TRAIP: variants seen among roughly 807,000 people sequenced by gnomAD.
The protein encoded by TRAIP is E3 ubiquitin-protein ligase TRAIP.
A neutral mutation model predicts 65.0 loss-of-function variants in TRAIP; 37 were observed. The ratio of observed to expected loss-of-function variants is 0.57; its 90% CI spans 0.44 to 0.75. The LOEUF (loss-of-function observed/expected upper bound fraction) is 0.75, where lower values mean the gene tolerates loss of function less well. Ranked by LOEUF, TRAIP falls within the 30% of genes least tolerant of loss-of-function variation. The pLI is 0.00. For missense variants in TRAIP, 481 were observed against 579.4 expected (o/e 0.83, Z 1.74); for synonymous variants, 187 against 219.1 (o/e 0.85, Z 1.29).
At chr3:49,852,815 G>A (rs764894066) in intron 1 of TRAIP, among the ~76,000 whole-genome samples, 2 of 151,374 alleles carry the variant, frequency 1.3e-5, no homozygotes, top group South Asian at 4.2e-4. Context: ...AATGAATCCC[G>A]AGCAGAATTT....
chr3:49,837,771 G>C (rs939696714), intron 10 of TRAIP, among the ~76,000 whole-genome samples: 3 of 151,928 alleles, frequency 2.0e-5, no homozygotes, highest in Non-Finnish European at 4.4e-5. Context: ...TAGTAGAGAC[G>C]GGGTTTCACC....
Position 49,841,053 on chromosome 3 carries a change from CT to C in TRAIP, c.636del (p.Glu213ArgfsTer13). The C allele has an allele frequency of 6.2e-7, 1 of 1,614,176 alleles. No individual in the cohort carries two copies. The highest frequency in any genetic ancestry group is 8.5e-7 in the Non-Finnish European group (1 of 1,180,010). On this transcript the variant is annotated frameshift_variant, in exon 8 of 15. Coordinates refer to ENST00000331456, the MANE Select transcript of TRAIP (RefSeq NM_005879.3). LOFTEE classifies it high-confidence loss of function. The part of the protein sequence containing the change: ...VSLKKEYENL[K>X]EARKASGEVA... ...ACCTCCCCTGAGGCCTTCCGTGCCT[CT>C]TTTAGATTCTCGTACTCTCTGCAAT... is the stretch of plus-strand genomic sequence containing the variant.
At chr3:49,843,650 C>T in intron 5 of TRAIP, 151 bp downstream of exon 5, 3 of 1,041,328 alleles carry the variant, frequency 2.9e-6, no homozygotes, top group Non-Finnish European at 4.3e-6. Context: ...TATGGAAGGG[C>T]AAGGGGAAGA....
intron 9 of TRAIP, 68 bp downstream of exon 9, chr3:49,840,216 G>T: frequency 7.1e-7 from 1 of 1,400,322 alleles, no homozygotes. Flanking sequence ...GGCAGAGATA[G>T]CCCAGCCCTG....
intron 2 of TRAIP, 53 bp from the exon 3 acceptor site, chr3:49,847,661 G>A: frequency 7.6e-7 from 1 of 1,321,760 alleles, no homozygotes; most frequent in South Asian, 1.3e-5. Flanking sequence ...TCATGCGCAA[G>A]GAGGAGAGTG....
At chr3:49,846,699 C>T (rs1035818513) in intron 3 of TRAIP, among the ~76,000 whole-genome samples, 1 of 152,132 alleles carries the variant, frequency 6.6e-6, no homozygotes, top group African/African-American at 2.4e-5. Context: ...ACCTCTATAA[C>T]TTCATCTCCA....
intron 1 of TRAIP, among the ~76,000 whole-genome samples, chr3:49,852,396 G>A (rs890085351): frequency 6.6e-6 from 1 of 150,496 alleles, no homozygotes; most frequent in Non-Finnish European, 1.5e-5. Context: ...GGATAAAAAA[G>A]TTAATGGAAT....
chr3:49,849,840 CTTTTTTTT>C (rs1185587392), intron 1 of TRAIP, among the ~76,000 whole-genome samples: 10 of 89,866 alleles, frequency 1.1e-4, no homozygotes, highest in African/African-American at 3.8e-4. Context: ...CTTTTCTTTT[CTTTTTTTT>C]TTTTTTTTTT....
chr3:49,849,209 CTG>C (rs2081910999), intron 1 of TRAIP, among the ~76,000 whole-genome samples: 1 of 151,914 alleles, frequency 6.6e-6, no homozygotes, highest in Non-Finnish European at 1.5e-5. Flanking sequence ...CAGGGTCTCA[CTG>C]TGCTGCCCAA....
intron 10 of TRAIP, 83 bp downstream of exon 10, chr3:49,839,689 C>T: frequency 7.6e-7 from 1 of 1,310,914 alleles, no homozygotes; most frequent in Admixed American, 1.7e-5. Flanking sequence ...GTCACCCACC[C>T]CACCAAAGCC....
At chr3:49,855,607 C>T (rs190665808) in intron 1 of TRAIP, among the ~76,000 whole-genome samples, 1 of 152,338 alleles carries the variant, frequency 6.6e-6, no homozygotes, top group East Asian at 1.9e-4. Context: ...GTCAGCAACA[C>T]AGGCCTAAAC....
In TRAIP at chr3:49,829,151, T is replaced by C. The variant is rs35129566; in HGVS notation, c.1362A>G (p.Thr454=). The change falls in exon 15 of 15, where the codon ACA becomes ACG. Residue 454 remains threonine, a synonymous_variant. Transcript: ENST00000331456. ...GCTTGGCCTGGAAGAGAGAAGGCAC[T>C]GTCTTCACCCTCACCCTCTGCTTAA... ...TKVKQRVRVK[T]VPSLFQAKLD... 7 of 1,614,016 alleles carry C rather than the reference T, an allele frequency of 4.3e-6. No individual in the cohort carries two copies. Among genetic ancestry groups the C allele is most frequent in the African/African-American group, 1.3e-5 (1 of 74,872 alleles).
At chr3:49,840,250 C>T (rs901005763) in intron 9 of TRAIP, 34 bp downstream of exon 9, 1 of 1,590,830 alleles carries the variant, frequency 6.3e-7, no homozygotes, top group Non-Finnish European at 8.6e-7. Context: ...CACAAACCAC[C>T]CCTCATTCCT....
intron 4 of TRAIP, 70 bp from the exon 5 acceptor site, chr3:49,843,998 T>C (rs1389576501): frequency 1.3e-6 from 2 of 1,535,140 alleles, no homozygotes; most frequent in African/African-American, 1.4e-5. Context: ...ACTTGGGCCC[T>C]TGGATTCAGT....
At chr3:49,849,095 T>G (rs1192208554) in intron 1 of TRAIP, among the ~76,000 whole-genome samples, 1 of 152,144 alleles carries the variant, frequency 6.6e-6, no homozygotes, top group African/African-American at 2.4e-5. Context: ...TCCACCTGCC[T>G]CAGCCTCCCA....
chr3:49,829,335 T>C, intron 14 of TRAIP, 110 bp from the exon 15 acceptor site: 1 of 1,610,252 alleles, frequency 6.2e-7, no homozygotes, highest in Non-Finnish European at 8.5e-7. Flanking sequence ...GCGGCGCTGA[T>C]ACACAGAATG....
intron 11 of TRAIP, among the ~76,000 whole-genome samples, chr3:49,831,480 AC>A (rs1468098456): frequency 6.6e-6 from 1 of 152,086 alleles, no homozygotes; most frequent in African/African-American, 2.4e-5. Context: ...CCTGTGGGTC[AC>A]CCCCTTGGGT....
Position 49,841,070 on chromosome 3 carries a change from T to G in TRAIP, c.620A>C (p.Glu207Ala). ...CCGTGCCTCTTTTAGATTCTCGTAC[T>G]CTCTGCAATGTGGCCATGGAAAGAG... The part of the protein sequence containing the change: ...LAVYCVSLKK[E>A]YENLKEARKA... The change falls in exon 8 of 15, where the codon GAG becomes GCG. Residue 207 changes from glutamate to alanine, a missense_variant and splice_region_variant. By Grantham distance (107) the Glu-to-Ala change is moderately radical. Transcript: ENST00000331456. The G allele has an allele frequency of 6.2e-7, 1 of 1,614,052 alleles. No individual in the cohort carries two copies. The highest frequency in any genetic ancestry group is 1.1e-5 in the South Asian group (1 of 91,082).
chr3:49,847,385 A>AAAAG (rs2081892882), intron 3 of TRAIP, 140 bp downstream of exon 3: 1 of 641,992 alleles, frequency 1.6e-6, no homozygotes, highest in African/African-American at 1.9e-5. Flanking sequence ...CTGTCTCTAA[A>AAAAG]AAAAGAAAAG....
Sources: allele counts gnomAD v4.1 joint callset (sites outside exome capture counted in the v4.1 genomes callset), GRCh38; gene constraint gnomAD v4.1.1; transcripts MANE v1.5; gene names NCBI Gene and HGNC (gene_info 2026-07-23, HGNC 2026-07-21).